FGF2: variants seen among roughly 807,000 people sequenced by gnomAD.
FGF2 encodes fibroblast growth factor 2, also known as basic fibroblast growth factor bFGF.
Under a neutral mutation model 15.9 loss-of-function variants are expected in FGF2, and 13 were observed. The ratio of observed to expected loss-of-function variants is 0.82; its 90% CI spans 0.53 to 1.30. The LOEUF (loss-of-function observed/expected upper bound fraction) is 1.30, where lower values mean the gene tolerates loss of function less well. FGF2 is among the 50% of genes most tolerant of loss of function. FGF2 has a pLI of 0.00. For missense variants in FGF2, 163 were observed against 196.9 expected, an observed-to-expected ratio of 0.83 and a Z score of 1.03; for synonymous variants, 90 against 78.4, an observed-to-expected ratio of 1.15 and a Z score of -0.78.
chr4:122,878,497 A>G (rs1726901226), intron 2 of FGF2, among the ~76,000 whole-genome samples: 1 of 152,196 alleles, frequency 6.6e-6, no homozygotes, highest in Non-Finnish European at 1.5e-5. Flanking sequence ...GTGGAAGGGA[A>G]GGGAGAGAAG....
In FGF2 at chr4:122,871,997, G is replaced by GGT. The variant is rs952562163; in HGVS notation, c.179-4322_179-4321dup. ...ATGATCGCAATGTCTCTCCATCAAG[G>GGT]GTGCAGAACTGTATGGAGGATCAGA... is the stretch of plus-strand genomic sequence containing the variant. On this transcript the variant is annotated intron_variant, in intron 1 of 2. Coordinates refer to ENST00000644866, the MANE Select transcript of FGF2 (RefSeq NM_001361665.2). Among the ~76,000 whole-genome samples the GGT allele has an allele frequency of 1.4e-4, 21 of 152,186 alleles. 1 individual carries two copies. The highest frequency in any genetic ancestry group is 2.8e-4 in the Non-Finnish European group (19 of 68,016).
At chr4:122,828,831 GA>G (rs33986146) in intron 1 of FGF2, among the ~76,000 whole-genome samples, 19,232 of 152,186 alleles carry the variant, frequency 0.13, 1,507 homozygotes, top group South Asian at 0.24. Flanking sequence ...CTGGTAACTT[GA>G]ACTCATCTAT....
At chr4:122,842,946 A>G (rs1391434985) in intron 1 of FGF2, among the ~76,000 whole-genome samples, 2 of 152,216 alleles carry the variant, frequency 1.3e-5, no homozygotes, top group African/African-American at 2.4e-5. Flanking sequence ...TTATACCTCA[A>G]TAAAAATAAT....
At chr4:122,830,247 A>G (rs1329717228) in intron 1 of FGF2, among the ~76,000 whole-genome samples, 1 of 152,146 alleles carries the variant, frequency 6.6e-6, no homozygotes, top group Non-Finnish European at 1.5e-5. Context: ...GAGTTTGGGG[A>G]GGGATGCTTT....
intron 1 of FGF2, among the ~76,000 whole-genome samples, chr4:122,842,636 T>C (rs921109669): frequency 6.6e-6 from 1 of 152,216 alleles, no homozygotes; most frequent in Admixed American, 6.5e-5. Context: ...GTGTCCACTC[T>C]GAGGTTCCTT....
chr4:122,849,449 CAG>C (rs550281034), intron 1 of FGF2, among the ~76,000 whole-genome samples: 29 of 151,610 alleles, frequency 1.9e-4, no homozygotes, highest in Non-Finnish European at 3.5e-4. Flanking sequence ...CAGGGCCTGT[CAG>C]GGGGTGGGGG....
intron 2 of FGF2, among the ~76,000 whole-genome samples, chr4:122,879,795 C>T (rs1726925427): frequency 6.6e-6 from 1 of 152,190 alleles, no homozygotes; most frequent in Non-Finnish European, 1.5e-5. Context: ...ATAAAACCAT[C>T]AGATCTTGTG....
chr4:122,872,362 A>G (rs569659039), intron 1 of FGF2, among the ~76,000 whole-genome samples: 40 of 152,318 alleles, frequency 2.6e-4, no homozygotes, highest in Admixed American at 1.2e-3. Flanking sequence ...CCTCCAAGAA[A>G]TATGGGACTT....
intron 1 of FGF2, among the ~76,000 whole-genome samples, chr4:122,859,282 C>T (rs1342515622): frequency 1.3e-5 from 2 of 152,016 alleles, no homozygotes; most frequent in African/African-American, 2.4e-5. Context: ...TTTCCTGACA[C>T]ATAAGAGACA....
intron 1 of FGF2, among the ~76,000 whole-genome samples, chr4:122,829,681 T>G (rs1183024923): frequency 6.6e-6 from 1 of 152,164 alleles, no homozygotes; most frequent in Non-Finnish European, 1.5e-5. Context: ...GAATCCAGTT[T>G]GTAGTCCTGT....
intron 1 of FGF2, among the ~76,000 whole-genome samples, chr4:122,864,072 A>G (rs1351976871): frequency 6.6e-6 from 1 of 152,170 alleles, no homozygotes; most frequent in Non-Finnish European, 1.5e-5. Context: ...AGCAACACAT[A>G]GATTAGTGTT....
Position 122,827,034 on chromosome 4 carries a change from G to A in FGF2, c.-141G>A. 3 of 1,158,868 alleles carry A rather than the reference G, an allele frequency of 2.6e-6. No homozygotes were observed. The highest frequency in any genetic ancestry group is 7.9e-5 in the East Asian group (2 of 25,164). The allele number at this position is 1,158,868 out of a possible 1,614,324, so 71.8% of individuals were successfully genotyped here. A position where few individuals can be genotyped will look rare whatever the true frequency, so the allele number is the denominator to read the frequency against. On this transcript the variant is annotated 5_prime_UTR_variant, in exon 1 of 3. Coordinates refer to ENST00000644866, the MANE Select transcript of FGF2 (RefSeq NM_001361665.2). The surrounding 1 kb of genome is among the most constrained non-coding windows in gnomAD (Gnocchi z 4.2). Reference sequence around the variant, plus strand: ...GCTGGGGGACCGCGGGCGCGGCCGCGCGCTGCCGGGCGGGAGGCTGGGGGG... The same window carrying A: ...GCTGGGGGACCGCGGGCGCGGCCGCACGCTGCCGGGCGGGAGGCTGGGGGG...
chr4:122,897,865 C>G lies in FGF2; in HGVS notation c.*5469C>G. ...CTTCTTTTTTTGGGGGAGCTGGTAA[C>G]TGATGAAATCTTTTCCCACCTTTTC... is the stretch of plus-strand genomic sequence containing the variant. On this transcript the variant is annotated 3_prime_UTR_variant, in exon 3 of 3. Transcript: ENST00000644866. 6.9e-6 allele frequency: 4 copies of G among 576,278 alleles called. No individual in the cohort carries two copies. The allele number at this position is 576,278 out of a possible 1,614,324, so 35.7% of individuals were successfully genotyped here.
chr4:122,848,471 G>T (rs760275097), intron 1 of FGF2, among the ~76,000 whole-genome samples: 2 of 152,202 alleles, frequency 1.3e-5, no homozygotes, highest in African/African-American at 2.4e-5. Context: ...GTTGTGGGCT[G>T]CTGTTGCCTG....
Position 122,892,954 on chromosome 4 carries a change from G to A in FGF2, c.*558G>A. 1 of 1,614,148 alleles carries A rather than the reference G, an allele frequency of 6.2e-7. No individual in the cohort carries two copies. The highest frequency in any genetic ancestry group is 8.5e-7 in the Non-Finnish European group (1 of 1,180,036). On this transcript the variant is annotated 3_prime_UTR_variant, in exon 3 of 3. Transcript: ENST00000644866. The stretch of plus-strand genomic sequence containing the variant: ...GGTCAATTTTGTCAAACCCTTCTCT[G>A]TACCCATACAGCAGCAGCCTAGCAA...
At position 122,896,118 on chromosome 4, in the gene FGF2, A is replaced by G. The variant is rs1454253381; in HGVS notation, c.*3722A>G. 1 of 152,492 alleles carries G rather than the reference A, an allele frequency of 6.6e-6. No homozygotes were observed. Among genetic ancestry groups the G allele is most frequent in the African/African-American group, 2.4e-5 (1 of 41,412 alleles). 9.4% of individuals were successfully genotyped at this position (152,492 alleles called of 1,614,324 possible). A position where few individuals can be genotyped will look rare whatever the true frequency, so the allele number is the denominator to read the frequency against. On this transcript the variant is annotated 3_prime_UTR_variant, in exon 3 of 3. Transcript: ENST00000644866. ...GCCAACGGCAGTTTTTTTCTTCTTA[A>G]TTCCACATGACTGAGGCATATATGA...
chr4:122,833,211 A>G lies in FGF2; in HGVS notation c.178+5859A>G, dbSNP rs555001002. On this transcript the variant is annotated intron_variant, in intron 1 of 2. Transcript: ENST00000644866. ...TGTGTGTGTGTGTGTGTATGTGTGT[A>G]TTTGTATTTTTATAGAGCTATTGAC... is the stretch of plus-strand genomic sequence containing the variant. 2.5e-4 allele frequency among the ~76,000 whole-genome samples: 34 copies of G among 138,210 alleles called. No individual in the cohort carries two copies. In the South Asian group the frequency reaches 8.3e-3, roughly 34 times the overall value. The allele number at this position is 138,210 out of a possible 152,430, so 90.7% of individuals were successfully genotyped here.
chr4:122,836,193 G>C (rs1447890149), intron 1 of FGF2, among the ~76,000 whole-genome samples: 1 of 152,196 alleles, frequency 6.6e-6, no homozygotes, highest in African/African-American at 2.4e-5. Flanking sequence ...GATCCCATTT[G>C]CTGCATCTAT....
chr4:122,852,530 G>A (rs562897242), intron 1 of FGF2, among the ~76,000 whole-genome samples: 1 of 152,338 alleles, frequency 6.6e-6, no homozygotes, highest in Non-Finnish European at 1.5e-5. Context: ...ATATCAGGTG[G>A]TGTGGTACAT....
Sources: allele counts gnomAD v4.1 joint callset (sites outside exome capture counted in the v4.1 genomes callset), GRCh38; gene constraint gnomAD v4.1.1; non-coding constraint Gnocchi (gnomAD v3.1); transcripts MANE v1.5; gene names NCBI Gene and HGNC (gene_info 2026-07-23, HGNC 2026-07-21).